The following XIRP2 variants were observed in gnomAD, a reference collection of about 807,000 sequenced individuals.
The protein encoded by XIRP2 is xin actin binding repeat containing 2.
In XIRP2, 236 loss-of-function variants were observed where a neutral mutation model predicts 277.0. The ratio of observed to expected loss-of-function variants is 0.85; its 90% CI spans 0.77 to 0.95. The LOEUF (loss-of-function observed/expected upper bound fraction) is 0.95. XIRP2 is among the 40% of genes least tolerant of loss of function. The probability of loss-of-function intolerance (pLI) is 0.00; values close to 1 mark genes in which losing one functional copy is unlikely to be tolerated. For missense variants in XIRP2, 4,640 were observed against 4,157.5 expected (o/e 1.12, Z -3.19); for synonymous variants, 1,490 against 1,416.5 (o/e 1.05, Z -1.17).
At chr2:166,905,871 C>A (rs1296452690) in intron 2 of XIRP2, among the ~76,000 whole-genome samples, 1 of 151,844 alleles carries the variant, frequency 6.6e-6, no homozygotes, top group Admixed American at 6.6e-5. Context: ...TCTAGTTCAA[C>A]CAAATTTAAA....
intron 2 of XIRP2, among the ~76,000 whole-genome samples, chr2:167,045,376 T>C (rs1001941340): frequency 1.2e-4 from 18 of 152,040 alleles, no homozygotes; most frequent in African/African-American, 4.3e-4. Context: ...CCAAAAGCAA[T>C]TGCAACAAAA....
intron 2 of XIRP2, among the ~76,000 whole-genome samples, chr2:167,082,024 C>A (rs1208149271): frequency 6.6e-6 from 1 of 151,534 alleles, no homozygotes; most frequent in Non-Finnish European, 1.5e-5. Context: ...CATACATGTG[C>A]CATGCTGGTG....
chr2:166,903,668 G>T lies in XIRP2; in HGVS notation c.186G>T (p.Leu62=), dbSNP rs751653795. Residue 62 remains leucine, a synonymous_variant, in exon 2 of 11, where the codon CTG becomes CTT. Coordinates refer to ENST00000409195, the MANE Select transcript of XIRP2 (RefSeq NM_152381.6). ...SAPQSLDPTS[L]PYSTGEEMWS... ...CTCAATCTTTGGATCCCACAAGTCTGCCCTACAGTACAGGGGAAGAGATGT... is the reference window on the plus strand; with the variant it reads ...CTCAATCTTTGGATCCCACAAGTCTTCCCTACAGTACAGGGGAAGAGATGT... 3.1e-6 allele frequency: 5 copies of T among 1,613,536 alleles called. No individual in the cohort carries two copies. Among genetic ancestry groups the T allele is most frequent in the Non-Finnish European group, 2.5e-6 (3 of 1,179,774 alleles).
intron 2 of XIRP2, among the ~76,000 whole-genome samples, chr2:167,076,264 A>G (rs1021979380): frequency 3.3e-5 from 5 of 152,208 alleles, no homozygotes; most frequent in African/African-American, 2.4e-5. Context: ...GAAGCAATTT[A>G]TATGGCATCC....
At chr2:167,020,522 C>G (rs994736126) in intron 2 of XIRP2, among the ~76,000 whole-genome samples, 2 of 151,902 alleles carry the variant, frequency 1.3e-5, no homozygotes, top group East Asian at 3.9e-4. Flanking sequence ...GTCTCAATAT[C>G]AAACTCTTCT....
At chr2:167,097,130 A>G (rs1018494346) in intron 2 of XIRP2, among the ~76,000 whole-genome samples, 2 of 152,088 alleles carry the variant, frequency 1.3e-5, no homozygotes, top group African/African-American at 4.8e-5. Context: ...GATCTGTCTA[A>G]TATTGACAGT....
rs779002530 is a variant in XIRP2 at position 167,258,861 on chromosome 2, C to T, written c.*1044C>T. The T allele has an allele frequency of 9.3e-6, 15 of 1,613,060 alleles. No homozygotes were observed. Among genetic ancestry groups the T allele is most frequent in the African/African-American group, 2.7e-5 (2 of 74,904 alleles). On this transcript the variant is annotated 3_prime_UTR_variant, in exon 11 of 11. Transcript: ENST00000409195. The stretch of plus-strand genomic sequence containing the variant: ...ATATTTGAATCTGAAAAGACTTATT[C>T]GAGGAATGTACTAGCAATGGCTCTG...
At chr2:167,197,303 G>T (rs752584892) in intron 3 of XIRP2, among the ~76,000 whole-genome samples, 4 of 152,168 alleles carry the variant, frequency 2.6e-5, no homozygotes. Context: ...TTCAAAAAAA[G>T]TAGGAGAGAG....
chr2:167,113,868 A>G (rs1690825425), intron 2 of XIRP2, among the ~76,000 whole-genome samples: 1 of 152,180 alleles, frequency 6.6e-6, no homozygotes, highest in Non-Finnish European at 1.5e-5. Flanking sequence ...TGCTTATCTG[A>G]AAAGGATCTT....
chr2:167,220,100 T>G (rs969970634), intron 5 of XIRP2, among the ~76,000 whole-genome samples: 4 of 152,210 alleles, frequency 2.6e-5, no homozygotes, highest in African/African-American at 9.6e-5. Context: ...GCTAACAGCT[T>G]GAAATCAGCC....
chr2:167,166,198 T>A (rs1692516180), intron 3 of XIRP2, among the ~76,000 whole-genome samples: 1 of 152,168 alleles, frequency 6.6e-6, no homozygotes, highest in African/African-American at 2.4e-5. Context: ...ATCTTGAGGT[T>A]TTTTTTCTTT....
In XIRP2 at chr2:167,244,431, T is replaced by C. The variant is rs371745736; in HGVS notation, c.3039T>C (p.Asp1013=). ...TVQQEEIVRG[D]VRSCRWLFET... The stretch of plus-strand genomic sequence containing the variant: ...AGCAAGAAGAAATCGTAAGAGGTGA[T>C]GTAAGAAGCTGTAGGTGGCTTTTTG... Residue 1013 remains aspartate, a synonymous_variant, in exon 9 of 11, where the codon GAT becomes GAC. Coordinates refer to ENST00000409195, the MANE Select transcript of XIRP2 (RefSeq NM_152381.6). 48 of 1,613,778 alleles carry C rather than the reference T, an allele frequency of 3.0e-5. No homozygotes were observed. The highest frequency in any genetic ancestry group is 4.0e-5 in the African/African-American group (3 of 75,016).
intron 2 of XIRP2, among the ~76,000 whole-genome samples, chr2:167,020,401 A>T: frequency 6.6e-6 from 1 of 152,032 alleles, no homozygotes; most frequent in East Asian, 1.9e-4. Context: ...TTCTTCCACC[A>T]TCAACAAACA....
At position 167,251,204 on chromosome 2, in the gene XIRP2, A is replaced by C; in HGVS notation, c.9812A>C (p.Tyr3271Ser). ...EIRKVEKRAT[Y>S]VHKDGLNSTD... ...AGGAAAGTGGAGAAGAGAGCTACTT[A>C]TGTTCATAAAGATGGACTAAATTCC... Residue 3271 changes from tyrosine (Y) to serine (S), a missense_variant, in exon 9 of 11, where the codon TAT becomes TCT. Transcript: ENST00000409195. The C allele has an allele frequency of 1.2e-6, 2 of 1,613,508 alleles. No individual in the cohort carries two copies. Among genetic ancestry groups the C allele is most frequent in the Non-Finnish European group, 1.7e-6 (2 of 1,179,686 alleles).
chr2:167,075,960 GCCACCCCT>G (rs1469229655), intron 2 of XIRP2, among the ~76,000 whole-genome samples: 1 of 152,044 alleles, frequency 6.6e-6, no homozygotes, highest in East Asian at 1.9e-4. Context: ...ACAAGCGTGA[GCCACCCCT>G]CCAAGCCAAG....
At chr2:166,943,195 A>G (rs1329657042) in intron 2 of XIRP2, among the ~76,000 whole-genome samples, 2 of 152,272 alleles carry the variant, frequency 1.3e-5, no homozygotes, top group South Asian at 2.1e-4. Context: ...AATCATTATC[A>G]TAGGCCTAAT....
At chr2:167,033,917 A>G (rs1274539814) in intron 2 of XIRP2, among the ~76,000 whole-genome samples, 1 of 152,222 alleles carries the variant, frequency 6.6e-6, no homozygotes, top group Non-Finnish European at 1.5e-5. Flanking sequence ...TTAATGGGCA[A>G]AAAGAAATTA....
rs1407395527 is a variant in XIRP2, at chr2:167,245,446, T to G, written c.4054T>G (p.Trp1352Gly). ...VIHGDVRGTR[W>G]LFETKPLDSI... is the part of the protein sequence containing the mutation. ...TCATGGAGATGTGCGAGGAACAAGGTGGCTTTTTGAAACAAAGCCATTAGA... is the reference window on the plus strand; with the variant it reads ...TCATGGAGATGTGCGAGGAACAAGGGGGCTTTTTGAAACAAAGCCATTAGA... Residue 1352 changes from tryptophan to glycine, a missense_variant, in exon 9 of 11, where the codon TGG (tryptophan) becomes GGG (glycine). By Grantham distance (184) the Trp-to-Gly change is radical (BLOSUM62 -2). Coordinates refer to ENST00000409195, the MANE Select transcript of XIRP2 (RefSeq NM_152381.6). 6.2e-7 allele frequency: 1 copy of G among 1,613,478 alleles called. No homozygotes were observed. The highest frequency in any genetic ancestry group is 8.5e-7 in the Non-Finnish European group (1 of 1,179,720).
intron 2 of XIRP2, among the ~76,000 whole-genome samples, chr2:167,093,676 A>G (rs1426554156): frequency 2.0e-5 from 3 of 152,102 alleles, no homozygotes; most frequent in Non-Finnish European, 1.5e-5. Context: ...ATGGTATTCC[A>G]TGGTGTATAT....
Sources: allele counts gnomAD v4.1 joint callset (sites outside exome capture counted in the v4.1 genomes callset), GRCh38; gene constraint gnomAD v4.1.1; transcripts MANE v1.5; gene names NCBI Gene and HGNC (gene_info 2026-07-23, HGNC 2026-07-21).